Variants in TMED3 observed in about 807,000 individuals in gnomAD.
TMED3 encodes transmembrane p24 trafficking protein 3, also known as transmembrane emp24 domain-containing protein 3.
TMED3 carries 9 observed loss-of-function variants against 15.0 expected under a neutral mutation model. The observed-to-expected ratio is 0.60, with a 90% CI of 0.36 to 1.04. The LOEUF (loss-of-function observed/expected upper bound fraction) is 1.04, where lower values mean the gene tolerates loss of function less well. TMED3 is among the 50% of genes least tolerant of loss of function. TMED3 has a pLI of 0.01. For synonymous variants in TMED3, 117 were observed against 121.4 expected (o/e 0.96, Z 0.24); for missense variants, 267 against 278.9 (o/e 0.96, Z 0.30).
intron 2 of TMED3, among the ~76,000 whole-genome samples, chr15:79,385,571 C>T (rs1254996880): frequency 6.6e-6 from 1 of 152,154 alleles, no homozygotes; most frequent in African/African-American, 2.4e-5. Flanking sequence ...TCTCTGGCTC[C>T]TGCCTGCTCC....
chr15:79,370,243 C>A (rs1893312147), intron 2 of TMED3, among the ~76,000 whole-genome samples: 1 of 150,628 alleles, frequency 6.6e-6, no homozygotes, highest in Admixed American at 6.6e-5. Flanking sequence ...GCATGGGCCA[C>A]CATGCCCAGC....
intron 2 of TMED3, among the ~76,000 whole-genome samples, chr15:79,352,908 TAA>T (rs1236558875): frequency 8.0e-6 from 1 of 124,578 alleles, no homozygotes; most frequent in Non-Finnish European, 1.6e-5. Context: ...AATATACATA[TAA>T]TATATATAAA....
chr15:79,394,533 G>A (rs1445780183), intron 2 of TMED3, among the ~76,000 whole-genome samples: 4 of 152,190 alleles, frequency 2.6e-5, no homozygotes, highest in African/African-American at 4.8e-5. Flanking sequence ...CCATAGGCTG[G>A]CATTCCAGTC....
intron 2 of TMED3, among the ~76,000 whole-genome samples, chr15:79,398,972 A>T (rs1451886590): frequency 1.3e-5 from 2 of 152,148 alleles, no homozygotes; most frequent in African/African-American, 4.8e-5. Context: ...GTGCAGTAGC[A>T]TGATCTCAGC....
chr15:79,400,969 G>T (rs553947720), intron 2 of TMED3, among the ~76,000 whole-genome samples: 9 of 152,212 alleles, frequency 5.9e-5, no homozygotes, highest in African/African-American at 2.2e-4. Flanking sequence ...CCAGGAACTG[G>T]GTCTCAGAGA....
chr15:79,329,643 A>AGGAGCCG (rs2058800306), intron 2 of TMED3, among the ~76,000 whole-genome samples: 1 of 152,166 alleles, frequency 6.6e-6, no homozygotes. Flanking sequence ...TGTGGGAGCC[A>AGGAGCCG]CAGGAGCCGC....
chr15:79,355,534 G>C (rs1289686408), intron 2 of TMED3, among the ~76,000 whole-genome samples: 1 of 152,164 alleles, frequency 6.6e-6, no homozygotes, highest in Non-Finnish European at 1.5e-5. Context: ...CAGTCCTGGG[G>C]TGCTGCAATT....
chr15:79,390,413 A>G (rs1341031138), intron 2 of TMED3, among the ~76,000 whole-genome samples: 2 of 152,144 alleles, frequency 1.3e-5, no homozygotes, highest in Non-Finnish European at 2.9e-5. Context: ...CGTATGTTAA[A>G]CCATCCCTGC....
intron 2 of TMED3, among the ~76,000 whole-genome samples, chr15:79,374,964 G>A (rs557841602): frequency 3.3e-5 from 5 of 152,232 alleles, no homozygotes; most frequent in Admixed American, 2.6e-4. Flanking sequence ...ATACATGAAG[G>A]TCTTTCTCCT....
At chr15:79,313,048 T>C (rs2058723453) in intron 1 of TMED3, among the ~76,000 whole-genome samples, 1 of 152,212 alleles carries the variant, frequency 6.6e-6, no homozygotes, top group South Asian at 2.1e-4. Flanking sequence ...GACACCGTGC[T>C]AAACACTTTA....
At chr15:79,319,012 C>G (rs1187378680) in intron 2 of TMED3, among the ~76,000 whole-genome samples, 7 of 152,194 alleles carry the variant, frequency 4.6e-5, no homozygotes, top group African/African-American at 9.7e-5. Flanking sequence ...TGACTACACT[C>G]CAGTTGTGAA....
At chr15:79,317,977 G>A (rs1447833884) in intron 2 of TMED3, among the ~76,000 whole-genome samples, 1 of 152,186 alleles carries the variant, frequency 6.6e-6, no homozygotes, top group Non-Finnish European at 1.5e-5. Flanking sequence ...ATAAAGTCTT[G>A]GACCTCGAGG....
At position 79,343,420 on chromosome 15, in the gene TMED3, C is replaced by T. The variant is rs567333931; in HGVS notation, c.417+29415C>T. Among the ~76,000 whole-genome samples, 22 of 152,334 alleles carry T rather than the reference C, an allele frequency of 1.4e-4. No homozygotes were observed. In the South Asian group the frequency reaches 2.5e-3, roughly 17 times the overall value. On this transcript the variant is annotated intron_variant, in intron 2 of 2. Transcript: ENST00000424155. The stretch of plus-strand genomic sequence containing the variant: ...GTGGCCTGTTGAGATCATCTGTCTT[C>T]GCTCAGCATAATATATGCTCTTTCA...
At chr15:79,388,647 T>C (rs1893658539) in intron 2 of TMED3, among the ~76,000 whole-genome samples, 1 of 152,170 alleles carries the variant, frequency 6.6e-6, no homozygotes, top group African/African-American at 2.4e-5. Context: ...AATGTAATTC[T>C]AGTTTTAGTT....
intron 2 of TMED3, among the ~76,000 whole-genome samples, chr15:79,369,660 A>G (rs62025986): frequency 0.34 from 51,268 of 152,076 alleles, 8,812 homozygotes; most frequent in East Asian, 0.54. Flanking sequence ...AACAGTGCTC[A>G]TGTTTCGTCT....
intron 2 of TMED3, among the ~76,000 whole-genome samples, chr15:79,375,595 C>T (rs1422008948): frequency 1.3e-5 from 2 of 152,108 alleles, no homozygotes; most frequent in African/African-American, 4.8e-5. Flanking sequence ...TGGGAGCAAG[C>T]ATGTCACATG....
Position 79,393,171 on chromosome 15 carries a change from A to T in TMED3, c.418-18229A>T, listed in dbSNP as rs572949499. 2.6e-5 allele frequency among the ~76,000 whole-genome samples: 4 copies of T among 152,352 alleles called. No homozygotes were observed. In the South Asian group the frequency reaches 8.3e-4, roughly 32 times the overall value. ...ACAACTTTTTGGGAAGTTTTATCCA[A>T]AATTTTTGGAGGGTAAGGTCAAAAA... On this transcript the variant is annotated intron_variant, in intron 2 of 2. Transcript: ENST00000424155.
chr15:79,347,479 G>A (rs1386867015), intron 2 of TMED3, among the ~76,000 whole-genome samples: 1 of 152,158 alleles, frequency 6.6e-6, no homozygotes, highest in Non-Finnish European at 1.5e-5. Context: ...CACAAGACGA[G>A]GCTGCCCTCT....
At chr15:79,319,522 C>G (rs1223323447) in intron 2 of TMED3, among the ~76,000 whole-genome samples, 2 of 152,154 alleles carry the variant, frequency 1.3e-5, no homozygotes, top group East Asian at 3.9e-4. Context: ...TCCAGCCCCA[C>G]AGGGTGGATG....
Sources: gnomAD v4.1 joint callset for allele counts (sites outside exome capture counted in the v4.1 genomes callset) on GRCh38, gnomAD v4.1.1 for gene constraint, MANE v1.5 for transcripts, NCBI Gene and HGNC (gene_info 2026-07-23, HGNC 2026-07-21) for gene names.